DYNC2H1: variants seen among roughly 807,000 people sequenced by gnomAD.
DYNC2H1 encodes dynein cytoplasmic 2 heavy chain 1, also known as cytoplasmic dynein 2 heavy chain 1.
Under a neutral mutation model 570.0 loss-of-function variants are expected in DYNC2H1, and 410 were observed. That is an observed-to-expected ratio of 0.72 (90% CI 0.66 to 0.78). The LOEUF is 0.78. Ranked by LOEUF, DYNC2H1 falls within the 30% of genes least tolerant of loss-of-function variation. The pLI is 0.00. For missense variants in DYNC2H1, 4,865 were observed against 5,046.4 expected (o/e 0.96, Z 1.09); for synonymous variants, 1,688 against 1,677.6 (o/e 1.01, Z -0.15).
At chr11:103,466,492 T>TC (rs1277554363) in intron 87 of DYNC2H1, among the ~76,000 whole-genome samples, 28 of 152,142 alleles carry the variant, frequency 1.8e-4, no homozygotes, top group African/African-American at 6.8e-4. Context: ...GATACTAGTA[T>TC]CTTGTATAAC....
intron 47 of DYNC2H1, among the ~76,000 whole-genome samples, chr11:103,194,582 A>G (rs775881963): frequency 6.6e-6 from 1 of 152,168 alleles, no homozygotes; most frequent in South Asian, 2.1e-4. Context: ...GTAAGTGTAT[A>G]TAGATATGTC....
intron 83 of DYNC2H1, among the ~76,000 whole-genome samples, chr11:103,375,781 T>C (rs1185969815): frequency 6.6e-6 from 1 of 152,184 alleles, no homozygotes; most frequent in Non-Finnish European, 1.5e-5. Flanking sequence ...TAAATGCTCA[T>C]AGGTGGAAGG....
At chr11:103,375,264 T>C (rs569776514) in intron 83 of DYNC2H1, among the ~76,000 whole-genome samples, 40 of 152,318 alleles carry the variant, frequency 2.6e-4, no homozygotes, top group African/African-American at 9.1e-4. Context: ...AATAGATGGA[T>C]GTCCAAGAAG....
rs117324645 is a variant in DYNC2H1 at position 103,163,581 on chromosome 11, A to T, written c.4611+434A>T. ...TAATATTGACAGTGAGAGTGAGGTC[A>T]TATGGTGAATTACAGAGATGGCTGC... On this transcript the variant is annotated intron_variant, in intron 30 of 88. Transcript: ENST00000375735. The surrounding 1 kb of genome is among the most constrained non-coding windows in gnomAD (Gnocchi z 4.6). Among the ~76,000 whole-genome samples the T allele has an allele frequency of 9.2e-5, 14 of 152,302 alleles. No homozygotes were observed. Among genetic ancestry groups the T allele is most frequent in the Non-Finnish European group, 2.1e-4 (14 of 68,018 alleles).
Position 103,455,169 on chromosome 11 carries a change from T to C in DYNC2H1, c.12457-17T>C. The C allele has an allele frequency of 3.8e-6, 6 of 1,590,642 alleles. No homozygotes were observed. Among genetic ancestry groups the C allele is most frequent in the Non-Finnish European group, 5.2e-6 (6 of 1,159,976 alleles). ...AAGTGTGTGTGTATTTATATGTTCATATTTCCCCCCCTCTAGAACTGGGTA... is the reference window on the plus strand; with the variant it reads ...AAGTGTGTGTGTATTTATATGTTCACATTTCCCCCCCTCTAGAACTGGGTA... On this transcript the variant is annotated splice_polypyrimidine_tract_variant and intron_variant, in intron 85 of 88. Coordinates refer to ENST00000375735, the MANE Select transcript of DYNC2H1 (RefSeq NM_001377.3).
intron 40 of DYNC2H1, among the ~76,000 whole-genome samples, chr11:103,183,447 A>G (rs1205108663): frequency 6.6e-6 from 1 of 151,932 alleles, no homozygotes. Flanking sequence ...AGTTAGGAAA[A>G]AAAATGGTTT....
chr11:103,417,119 C>T (rs1312245637), intron 84 of DYNC2H1, among the ~76,000 whole-genome samples: 2 of 152,152 alleles, frequency 1.3e-5, no homozygotes, highest in Non-Finnish European at 2.9e-5. Context: ...CTTTCTTTGT[C>T]GCCAGGCTGG....
intron 88 of DYNC2H1, among the ~76,000 whole-genome samples, chr11:103,473,333 C>G (rs1370866520): frequency 7.0e-6 from 1 of 143,786 alleles, no homozygotes; most frequent in Non-Finnish European, 1.5e-5. Context: ...GTCTCCCAGG[C>G]TGGAGTGCAG....
At chr11:103,194,544 G>T (rs1483346745) in intron 47 of DYNC2H1, among the ~76,000 whole-genome samples, 2 of 151,986 alleles carry the variant, frequency 1.3e-5, no homozygotes, top group Non-Finnish European at 2.9e-5. Flanking sequence ...ATTTGGTGTT[G>T]TTACTATTTT....
At chr11:103,385,311 C>T (rs1048877349) in intron 83 of DYNC2H1, among the ~76,000 whole-genome samples, 6 of 151,996 alleles carry the variant, frequency 3.9e-5, no homozygotes, top group South Asian at 4.2e-4. Flanking sequence ...GTATGTTAGA[C>T]CTTTCTCTCT....
intron 5 of DYNC2H1, among the ~76,000 whole-genome samples, chr11:103,117,023 T>G (rs2510095): frequency 6.7e-6 from 1 of 149,712 alleles, no homozygotes; most frequent in African/African-American, 2.4e-5. Flanking sequence ...AATATTAAAT[T>G]TTTTGACCTA....
intron 85 of DYNC2H1, among the ~76,000 whole-genome samples, chr11:103,454,430 A>G (rs1196083326): frequency 1.4e-5 from 2 of 141,792 alleles, no homozygotes; most frequent in African/African-American, 5.1e-5. Flanking sequence ...ACTTAAAACT[A>G]CCTGAGTTTA....
intron 82 of DYNC2H1, among the ~76,000 whole-genome samples, chr11:103,350,124 T>C (rs1055520508): frequency 2.6e-5 from 4 of 152,150 alleles, no homozygotes; most frequent in African/African-American, 9.7e-5. Flanking sequence ...ATCATCATTG[T>C]ACATGGCCAA....
chr11:103,273,098 C>A (rs1322036682), intron 70 of DYNC2H1, among the ~76,000 whole-genome samples: 1 of 151,556 alleles, frequency 6.6e-6, no homozygotes, highest in Non-Finnish European at 1.5e-5. Context: ...ATTCAGAAAG[C>A]CTTAATTTAT....
At chr11:103,273,403 G>T (rs1284724998) in intron 70 of DYNC2H1, among the ~76,000 whole-genome samples, 3 of 152,042 alleles carry the variant, frequency 2.0e-5, no homozygotes, top group Non-Finnish European at 4.4e-5. Context: ...TTCCCAGGCT[G>T]GCCTCAAACT....
chr11:103,305,789 C>A lies in DYNC2H1; in HGVS notation c.11382+1069C>A, dbSNP rs1022457987. ...GACCATGGTGATTCGTGATTCATTACTTGTAATCAAGAGAAGATACAGATT... is the reference window on the plus strand; with the variant it reads ...GACCATGGTGATTCGTGATTCATTAATTGTAATCAAGAGAAGATACAGATT... On this transcript the variant is annotated intron_variant, in intron 77 of 88. Transcript: ENST00000375735. The surrounding 1 kb of genome is among the most constrained non-coding windows in gnomAD (Gnocchi z 4.3). Among the ~76,000 whole-genome samples the A allele has an allele frequency of 2.0e-5, 3 of 152,114 alleles. No individual in the cohort carries two copies. Among genetic ancestry groups the A allele is most frequent in the Non-Finnish European group, 4.4e-5 (3 of 68,030 alleles).
Position 103,176,696 on chromosome 11 carries a change from G to GTA in DYNC2H1, c.5874+272_5874+273dup, listed in dbSNP as rs1298490174. On this transcript the variant is annotated intron_variant, in intron 37 of 88. Transcript: ENST00000375735. The stretch of plus-strand genomic sequence containing the variant: ...AATCTCCGTGAAAGGCAGGATCCAT[G>GTA]TATATATATATTTTATTTTTATTTT... Among the ~76,000 whole-genome samples the GTA allele has an allele frequency of 3.3e-5, 5 of 151,740 alleles. No homozygotes were observed. The East Asian group carries it at 9.6e-4, about 29-fold the overall frequency.
intron 36 of DYNC2H1, 47 bp from the exon 37 acceptor site, chr11:103,176,188 A>G (rs1422983266): frequency 7.2e-7 from 1 of 1,395,112 alleles, no homozygotes; most frequent in Non-Finnish European, 9.4e-7. Context: ...AACTTTTTTC[A>G]TCATTAAAGT....
In DYNC2H1 at chr11:103,114,174, T is replaced by C. The variant is rs1858255067; in HGVS notation, c.438T>C (p.Gly146=). The stretch of plus-strand genomic sequence containing the variant: ...TGAGTGAACTAGAAGCTGGGTTGGG[T>C]ATAGTTCTACGAAGATCAGACACTA... ...NLLSELEAGL[G]IVLRRSDTNL... is the part of the protein sequence containing the mutation. Residue 146 remains glycine (G), a synonymous_variant, in exon 3 of 89, where the codon GGT becomes GGC. Transcript: ENST00000375735. 1 of 1,606,286 alleles carries C rather than the reference T, an allele frequency of 6.2e-7. No homozygotes were observed. The highest frequency in any genetic ancestry group is 1.3e-5 in the African/African-American group (1 of 74,850).
Sources: gnomAD v4.1 joint callset for allele counts (sites outside exome capture counted in the v4.1 genomes callset) on GRCh38, gnomAD v4.1.1 for gene constraint, Gnocchi (gnomAD v3.1) non-coding constraint, MANE v1.5 for transcripts, NCBI Gene and HGNC (gene_info 2026-07-23, HGNC 2026-07-21) for gene names.